Variants in ROBO1 observed in about 807,000 individuals in gnomAD.
ROBO1 encodes the protein roundabout homolog 1.
In ROBO1, 149 loss-of-function variants were observed where a neutral mutation model predicts 195.9. The observed-to-expected ratio is 0.76, with a 90% CI of 0.67 to 0.87. The LOEUF is 0.87. Ranked by LOEUF, ROBO1 falls within the 40% of genes least tolerant of loss-of-function variation. The probability of loss-of-function intolerance (pLI) is 0.00; values close to 1 mark genes in which losing one functional copy is unlikely to be tolerated. For missense variants in ROBO1, 1,933 were observed against 2,068.3 expected (o/e 0.93, Z 1.27); for synonymous variants, 816 against 733.2 (o/e 1.11, Z -1.82).
intron 4 of ROBO1, among the ~76,000 whole-genome samples, chr3:78,932,519 T>C (rs1184935695): frequency 6.6e-6 from 1 of 152,134 alleles, no homozygotes; most frequent in Non-Finnish European, 1.5e-5. Flanking sequence ...CTGAACACAG[T>C]TATATTGACA....
rs570581207 is a variant in ROBO1 at position 79,622,251 on chromosome 3, C to A, written c.-50-32290G>T. ...CCCACTCCACCAGAGCCTAGTGTCC[C>A]AACCCTGGAACGCACAAATTCCCAA... On this transcript the variant is annotated intron_variant, in intron 1 of 30. Coordinates refer to ENST00000464233, the MANE Select transcript of ROBO1 (RefSeq NM_002941.4). Among the ~76,000 whole-genome samples the A allele has an allele frequency of 3.3e-5, 5 of 152,296 alleles. No individual in the cohort carries two copies. The East Asian group carries it at 9.7e-4, about 29-fold the overall frequency.
At chr3:78,895,072 G>A (rs2037151388) in intron 4 of ROBO1, among the ~76,000 whole-genome samples, 1 of 152,184 alleles carries the variant, frequency 6.6e-6, no homozygotes, top group South Asian at 2.1e-4. Flanking sequence ...AGCCCAACAT[G>A]CATTTGACAT....
chr3:79,063,596 T>A (rs2078957048), intron 3 of ROBO1, among the ~76,000 whole-genome samples: 1 of 151,906 alleles, frequency 6.6e-6, no homozygotes. Context: ...GTCCTCATTT[T>A]ACCTGGCCTT....
chr3:79,537,193 A>G (rs1331821017), intron 2 of ROBO1, among the ~76,000 whole-genome samples: 2 of 151,958 alleles, frequency 1.3e-5, no homozygotes, highest in Admixed American at 1.3e-4. Context: ...AATGACAAAT[A>G]TAGTTAGTGG....
intron 2 of ROBO1, among the ~76,000 whole-genome samples, chr3:79,539,977 A>C (rs1942005608): frequency 6.6e-6 from 1 of 152,082 alleles, no homozygotes; most frequent in Non-Finnish European, 1.5e-5. Flanking sequence ...TGAAAATTAT[A>C]ATAATTCACT....
intron 8 of ROBO1, among the ~76,000 whole-genome samples, chr3:78,708,386 GA>G (rs1214760643): frequency 1.3e-5 from 2 of 151,838 alleles, no homozygotes; most frequent in African/African-American, 2.4e-5. Context: ...TGAGTAAATA[GA>G]TTTTTTTTTC....
intron 2 of ROBO1, among the ~76,000 whole-genome samples, chr3:79,490,468 A>G (rs1939393570): frequency 1.3e-5 from 2 of 152,190 alleles, no homozygotes; most frequent in Non-Finnish European, 2.9e-5. Flanking sequence ...TCTCTGCCCA[A>G]TAACATATAT....
At chr3:79,160,575 T>A (rs1327585364) in intron 2 of ROBO1, among the ~76,000 whole-genome samples, 2 of 152,038 alleles carry the variant, frequency 1.3e-5, no homozygotes, top group African/African-American at 4.8e-5. Context: ...TAATTGTAGA[T>A]GTAGTGAGAT....
intron 3 of ROBO1, among the ~76,000 whole-genome samples, chr3:79,056,781 G>A (rs534917840): frequency 3.4e-4 from 52 of 152,036 alleles, no homozygotes; most frequent in South Asian, 1.2e-3. Flanking sequence ...TCTGGTTTTC[G>A]CTTCATTGCA....
intron 2 of ROBO1, among the ~76,000 whole-genome samples, chr3:79,384,557 A>T (rs751030628): frequency 1.3e-5 from 2 of 152,016 alleles, no homozygotes; most frequent in African/African-American, 2.4e-5. Context: ...ATGAACAGAG[A>T]AGTGTTTTAA....
At chr3:78,773,355 A>C (rs1016165857) in intron 4 of ROBO1, among the ~76,000 whole-genome samples, 5 of 152,132 alleles carry the variant, frequency 3.3e-5, no homozygotes, top group African/African-American at 9.7e-5. Context: ...TTGTTATCCT[A>C]ATATGCCATT....
intron 2 of ROBO1, among the ~76,000 whole-genome samples, chr3:79,465,984 G>A (rs574835805): frequency 6.6e-6 from 1 of 151,392 alleles, no homozygotes; most frequent in East Asian, 1.9e-4. Context: ...ACTCTAGGCA[G>A]CTTTTATATA....
intron 4 of ROBO1, among the ~76,000 whole-genome samples, chr3:78,919,834 G>C (rs1042462440): frequency 6.6e-6 from 1 of 152,150 alleles, no homozygotes; most frequent in African/African-American, 2.4e-5. Context: ...AATTTTATTG[G>C]AGGAATCCAT....
chr3:79,752,577 C>T (rs1463530615), intron 1 of ROBO1, among the ~76,000 whole-genome samples: 1 of 152,010 alleles, frequency 6.6e-6, no homozygotes, highest in Non-Finnish European at 1.5e-5. Context: ...AAAGGTCTCA[C>T]AAATTATGGT....
intron 4 of ROBO1, among the ~76,000 whole-genome samples, chr3:78,856,805 A>C (rs1292186989): frequency 6.6e-6 from 1 of 150,974 alleles, no homozygotes; most frequent in Non-Finnish European, 1.5e-5. Flanking sequence ...AGTTTAATGA[A>C]TAATCTGCAT....
At chr3:78,792,098 G>T in intron 4 of ROBO1, among the ~76,000 whole-genome samples, 1 of 152,264 alleles carries the variant, frequency 6.6e-6, no homozygotes, top group East Asian at 1.9e-4. Context: ...CTAACCCTGG[G>T]GAGTTGACTT....
intron 2 of ROBO1, among the ~76,000 whole-genome samples, chr3:79,424,497 A>G (rs965605092): frequency 3.9e-5 from 6 of 152,088 alleles, no homozygotes; most frequent in African/African-American, 9.7e-5. Flanking sequence ...TTCTTCATGT[A>G]TTCATATTCA....
intron 4 of ROBO1, among the ~76,000 whole-genome samples, chr3:78,911,361 A>C (rs2038229868): frequency 6.6e-6 from 1 of 152,068 alleles, no homozygotes; most frequent in African/African-American, 2.4e-5. Context: ...CAGGCCATGA[A>C]ATTTATTAAA....
chr3:78,950,546 A>G (rs1190445523), intron 3 of ROBO1, among the ~76,000 whole-genome samples: 1 of 149,958 alleles, frequency 6.7e-6, no homozygotes, highest in African/African-American at 2.4e-5. Flanking sequence ...AAGCTTTAGG[A>G]GATATACCTA....
Sources: gnomAD v4.1 joint callset for allele counts (sites outside exome capture counted in the v4.1 genomes callset) on GRCh38, gnomAD v4.1.1 for gene constraint, MANE v1.5 for transcripts, NCBI Gene and HGNC (gene_info 2026-07-23, HGNC 2026-07-21) for gene names.